The following FNDC7 variants were observed in gnomAD, a reference collection of about 807,000 sequenced individuals.
FNDC7 encodes the protein fibronectin type III domain containing 7, also known as fibronectin type III domain-containing protein 7.
FNDC7 carries 66 observed loss-of-function variants against 74.2 expected under a neutral mutation model. The observed-to-expected ratio is 0.89, with a 90% CI of 0.73 to 1.09. The LOEUF (loss-of-function observed/expected upper bound fraction) is 1.09. Ranked by LOEUF, FNDC7 falls within the 50% of genes least tolerant of loss-of-function variation. The probability of loss-of-function intolerance (pLI) is 0.00; values close to 1 mark genes in which losing one functional copy is unlikely to be tolerated. For missense variants in FNDC7, 829 were observed against 893.4 expected (o/e 0.93, Z 0.92); for synonymous variants, 307 against 330.2 (o/e 0.93, Z 0.76).
intron 8 of FNDC7, among the ~76,000 whole-genome samples, chr1:108,729,332 G>A (rs899652737): frequency 3.3e-5 from 5 of 152,106 alleles, no homozygotes; most frequent in Admixed American, 6.5e-5. Context: ...GGCAGATCAC[G>A]AGGTCAGGAG....
chr1:108,736,861 C>T (rs1004258997), intron 10 of FNDC7, among the ~76,000 whole-genome samples: 1 of 151,160 alleles, frequency 6.6e-6, no homozygotes, highest in South Asian at 2.1e-4. Context: ...TTGTAAATGA[C>T]AATAACGACT....
chr1:108,740,435 C>T (rs917625537), intron 11 of FNDC7, among the ~76,000 whole-genome samples: 2 of 147,548 alleles, frequency 1.4e-5, no homozygotes, highest in African/African-American at 5.0e-5. Context: ...TCAAGCGATT[C>T]TCGCGCCTCA....
intron 4 of FNDC7, among the ~76,000 whole-genome samples, chr1:108,719,745 T>TGA (rs67387432): frequency 0.086 from 12,726 of 148,192 alleles, 596 homozygotes; most frequent in African/African-American, 0.13. Flanking sequence ...GCCAAGCGAA[T>TGA]GAGAGAGAGA....
intron 2 of FNDC7, among the ~76,000 whole-genome samples, chr1:108,715,664 C>T (rs1570722584): frequency 2.2e-5 from 1 of 46,058 alleles, no homozygotes; most frequent in Non-Finnish European, 6.5e-5. Flanking sequence ...CGCGTGCGTG[C>T]GCGCGCGCAC....
intron 1 of FNDC7, 198 bp from the exon 2 acceptor site, chr1:108,713,313 T>A: frequency 1.6e-6 from 1 of 615,356 alleles, no homozygotes. Context: ...GCCTCTAAAT[T>A]CTATTTAGAG....
At chr1:108,719,986 G>GCAGAATGTAGGGAGAAGAGAGGGGTT (rs1661062765) in intron 4 of FNDC7, among the ~76,000 whole-genome samples, 3 of 152,132 alleles carry the variant, frequency 2.0e-5, no homozygotes, top group African/African-American at 7.2e-5. Flanking sequence ...ATGGGCCAAG[G>GCAGAATGTAGGGAGAAGAGAGGGGTT]CAGAATGTAG....
intron 1 of FNDC7, 112 bp from the exon 2 acceptor site, chr1:108,713,399 C>A: frequency 3.4e-6 from 3 of 875,524 alleles, no homozygotes; most frequent in South Asian, 1.5e-5. Flanking sequence ...AGACTGCTCA[C>A]GTTAGATGTA....
intron 2 of FNDC7, among the ~76,000 whole-genome samples, chr1:108,716,442 T>C (rs1164307528): frequency 2.0e-5 from 3 of 151,490 alleles, no homozygotes; most frequent in Non-Finnish European, 4.4e-5. Flanking sequence ...AGCCCTTTCC[T>C]ATAGAATTGG....
At chr1:108,737,793 C>T (rs978845977) in intron 11 of FNDC7, among the ~76,000 whole-genome samples, 2 of 152,136 alleles carry the variant, frequency 1.3e-5, no homozygotes, top group Non-Finnish European at 2.9e-5. Context: ...GGAGGGGCAG[C>T]GGCTTCATCC....
At chr1:108,740,318 C>CTTTTTT (rs567191029) in intron 11 of FNDC7, among the ~76,000 whole-genome samples, 2 of 68,864 alleles carry the variant, frequency 2.9e-5, no homozygotes, top group Non-Finnish European at 5.3e-5. Flanking sequence ...GCTTTTCAAA[C>CTTTTTT]TTTTTTTTTT....
chr1:108,715,996 C>A (rs1660965191), intron 2 of FNDC7, among the ~76,000 whole-genome samples: 1 of 152,174 alleles, frequency 6.6e-6, no homozygotes, highest in South Asian at 2.1e-4. Flanking sequence ...AGCAAATGTG[C>A]CTCTCCTAGA....
At position 108,741,915 on chromosome 1, in the gene FNDC7, T is replaced by C; in HGVS notation, c.*38-10T>C. The C allele has an allele frequency of 8.9e-7, 1 of 1,121,522 alleles. No individual in the cohort carries two copies. Among genetic ancestry groups the C allele is most frequent in the Non-Finnish European group, 1.3e-6 (1 of 753,664 alleles). 69.5% of individuals were successfully genotyped at this position (1,121,522 alleles called of 1,614,324 possible). On this transcript the variant is annotated splice_polypyrimidine_tract_variant and intron_variant, in intron 12 of 12. Coordinates refer to ENST00000370017, the MANE Select transcript of FNDC7 (RefSeq NM_001144937.3). ...TCTTTGTTTAAAATGTTTTCCCATT[T>C]GTCTTGCAGAGTTGTCTCATTTGTT...
chr1:108,724,615 A>G (rs962885221), intron 5 of FNDC7, among the ~76,000 whole-genome samples: 11 of 151,844 alleles, frequency 7.2e-5, no homozygotes, highest in African/African-American at 2.7e-4. Flanking sequence ...TTAGCTGCTC[A>G]TGGTGGCATG....
At chr1:108,728,187 A>T in intron 7 of FNDC7, 122 bp downstream of exon 7, 1 of 1,196,706 alleles carries the variant, frequency 8.4e-7, no homozygotes. Context: ...ATCTTTGTGG[A>T]GACCAAGAGA....
chr1:108,731,218 C>T (rs1021513318), intron 9 of FNDC7, among the ~76,000 whole-genome samples: 15 of 152,290 alleles, frequency 9.8e-5, no homozygotes, highest in South Asian at 6.2e-4. Context: ...CACAGAGTAA[C>T]GTAGCCTGGC....
At chr1:108,733,248 G>T (rs1661432608) in intron 9 of FNDC7, 24 bp from the exon 10 acceptor site, 1 of 1,595,792 alleles carries the variant, frequency 6.3e-7, no homozygotes, top group Admixed American at 1.7e-5. Flanking sequence ...AAGTGATTTT[G>T]TGTTTGTTAT....
rs749952213 is a variant in FNDC7, at chr1:108,728,848, G to A, written c.1586G>A (p.Gly529Glu). 1 of 1,614,132 alleles carries A rather than the reference G, an allele frequency of 6.2e-7. No individual in the cohort carries two copies. The highest frequency in any genetic ancestry group is 1.3e-5 in the African/African-American group (1 of 74,956). ...SVTAVAETQA[G>E]RSLPSYSVPL... ...ACTGCTGTGGCCGAAACACAGGCAG[G>A]ACGGAGCCTGCCCAGCTACAGTGTG... Residue 529 changes from glycine (G) to glutamate (E), a missense_variant, in exon 8 of 13, where the codon GGA (glycine) becomes GAA (glutamate). Gly to Glu is a moderately conservative substitution (Grantham distance 98). Coordinates refer to ENST00000370017, the MANE Select transcript of FNDC7 (RefSeq NM_001144937.3).
intron 11 of FNDC7, among the ~76,000 whole-genome samples, chr1:108,738,898 C>T (rs530937571): frequency 4.2e-4 from 64 of 152,236 alleles, no homozygotes; most frequent in African/African-American, 1.5e-3. Context: ...TGTGAGGACA[C>T]TTCTAATTAT....
chr1:108,730,910 T>C lies in FNDC7; in HGVS notation c.1861T>C (p.Tyr621His). ...CACCGGGTTGACTGCAGATTGCTCCTACCAAAGTTATTTCTCTGGTAAGTG... is the reference window on the plus strand; with the variant it reads ...CACCGGGTTGACTGCAGATTGCTCCCACCAAAGTTATTTCTCTGGTAAGTG... ...SATGLTADCS[Y>H]QSYFSGACCP... is the part of the protein sequence containing the mutation. Residue 621 changes from tyrosine (Y) to histidine (H), a missense_variant, in exon 9 of 13, where the codon TAC (tyrosine) becomes CAC (histidine). Tyr to His is a moderately conservative substitution (Grantham distance 83, BLOSUM62 2). Transcript: ENST00000370017. 1 of 1,611,490 alleles carries C rather than the reference T, an allele frequency of 6.2e-7. No individual in the cohort carries two copies. The highest frequency in any genetic ancestry group is 8.5e-7 in the Non-Finnish European group (1 of 1,178,574).
Sources: gnomAD v4.1 joint callset for allele counts (sites outside exome capture counted in the v4.1 genomes callset) on GRCh38, gnomAD v4.1.1 for gene constraint, MANE v1.5 for transcripts, NCBI Gene and HGNC (gene_info 2026-07-23, HGNC 2026-07-21) for gene names.